The following IQGAP2 variants were observed in gnomAD, a reference collection of about 807,000 sequenced individuals.
IQGAP2 encodes ras GTPase-activating-like protein IQGAP2.
In IQGAP2, 173 loss-of-function variants were observed where a neutral mutation model predicts 201.3. That is an observed-to-expected ratio of 0.86 (90% CI 0.76 to 0.98). The LOEUF (loss-of-function observed/expected upper bound fraction) is 0.98, where lower values mean the gene tolerates loss of function less well. IQGAP2 is among the 50% of genes least tolerant of loss of function. The pLI is 0.00. For synonymous variants in IQGAP2, 675 were observed against 673.9 expected (o/e 1.00, Z -0.03); for missense variants, 1,687 against 1,864.8 (o/e 0.90, Z 1.76).
chr5:76,424,838 G>A (rs1308907667), intron 1 of IQGAP2, among the ~76,000 whole-genome samples: 2 of 152,154 alleles, frequency 1.3e-5, no homozygotes, highest in African/African-American at 2.4e-5. Context: ...CTGCCTGATG[G>A]CATTATTAGG....
intron 2 of IQGAP2, among the ~76,000 whole-genome samples, chr5:76,537,547 C>T (rs536107999): frequency 4.7e-5 from 7 of 149,848 alleles, no homozygotes; most frequent in Admixed American, 3.3e-4. Flanking sequence ...CTGTAGTTGT[C>T]GAGTACTGGT....
rs145279547 is a variant in IQGAP2 at position 76,583,190 on chromosome 5, G to A, written c.459-5716G>A. On this transcript the variant is annotated intron_variant, in intron 5 of 35. Coordinates refer to ENST00000274364, the MANE Select transcript of IQGAP2 (RefSeq NM_006633.5). ...ATTCGATGGGCTTTTTTGTTTTTTAGATTAAGACTTGATTTCCTATATACT... is the reference window on the plus strand; with the variant it reads ...ATTCGATGGGCTTTTTTGTTTTTTAAATTAAGACTTGATTTCCTATATACT... 8.5e-5 allele frequency among the ~76,000 whole-genome samples: 13 copies of A among 152,206 alleles called. No homozygotes were observed. In the East Asian group the frequency reaches 2.3e-3, roughly 27 times the overall value.
chr5:76,504,533 C>G (rs1012989550), intron 2 of IQGAP2, among the ~76,000 whole-genome samples: 3 of 152,158 alleles, frequency 2.0e-5, no homozygotes, highest in Non-Finnish European at 4.4e-5. Context: ...CCTGCCAACT[C>G]CCAAATGTGT....
intron 1 of IQGAP2, among the ~76,000 whole-genome samples, chr5:76,453,290 T>C (rs1380115736): frequency 1.3e-5 from 2 of 152,202 alleles, no homozygotes; most frequent in Non-Finnish European, 2.9e-5. Flanking sequence ...TAAGTGCATG[T>C]TAAGTATTAA....
At chr5:76,519,710 T>A (rs749948720) in intron 2 of IQGAP2, among the ~76,000 whole-genome samples, 10 of 152,244 alleles carry the variant, frequency 6.6e-5, no homozygotes, top group Non-Finnish European at 1.2e-4. Context: ...TTAAGCTTTT[T>A]GTTTTAGCCA....
At chr5:76,561,620 A>T (rs1399824716) in intron 2 of IQGAP2, among the ~76,000 whole-genome samples, 1 of 152,194 alleles carries the variant, frequency 6.6e-6, no homozygotes, top group Non-Finnish European at 1.5e-5. Context: ...GAGTATCCTC[A>T]TGACTCTGGC....
At chr5:76,627,175 C>A (rs962798519) in intron 13 of IQGAP2, among the ~76,000 whole-genome samples, 4 of 152,128 alleles carry the variant, frequency 2.6e-5, no homozygotes, top group African/African-American at 9.7e-5. Context: ...GCTGATGCAG[C>A]TGTCCAGTTG....
intron 11 of IQGAP2, among the ~76,000 whole-genome samples, chr5:76,604,871 C>T (rs1423035827): frequency 6.6e-6 from 1 of 152,176 alleles, no homozygotes; most frequent in Admixed American, 6.5e-5. Flanking sequence ...AAGCTACTCT[C>T]TATGGAAGAC....
chr5:76,646,030 G>A (rs141272638), intron 17 of IQGAP2, among the ~76,000 whole-genome samples: 68 of 152,284 alleles, frequency 4.5e-4, no homozygotes, highest in Non-Finnish European at 7.9e-4. Context: ...ATCTTGTTTA[G>A]CCTTTCAGTA....
At chr5:76,626,022 G>A (rs533807162) in intron 13 of IQGAP2, among the ~76,000 whole-genome samples, 2 of 152,276 alleles carry the variant, frequency 1.3e-5, no homozygotes, top group East Asian at 1.9e-4. Context: ...TTTGTAGCAG[G>A]ACCATCAGAA....
intron 2 of IQGAP2, among the ~76,000 whole-genome samples, chr5:76,522,083 G>A (rs954872538): frequency 6.6e-6 from 1 of 152,114 alleles, no homozygotes; most frequent in African/African-American, 2.4e-5. Flanking sequence ...CTCCACTAAG[G>A]AGCCCTGTCC....
intron 30 of IQGAP2, among the ~76,000 whole-genome samples, chr5:76,687,939 C>T (rs1052715333): frequency 9.2e-5 from 14 of 152,174 alleles, no homozygotes; most frequent in East Asian, 5.8e-4. Flanking sequence ...AACCATCCCC[C>T]ACCCTGTCCA....
chr5:76,557,513 C>T (rs894581018), intron 2 of IQGAP2, among the ~76,000 whole-genome samples: 4 of 152,142 alleles, frequency 2.6e-5, no homozygotes, highest in African/African-American at 9.7e-5. Flanking sequence ...TCCATTGATG[C>T]CTAATGTTAA....
rs148519959 is a variant in IQGAP2, at chr5:76,626,567, A to G, written c.1522-843A>G. ...ATTACAGGTGTAAGCCACCATGCCC[A>G]GCTATATGTCTTGACACATCTGTCT... On this transcript the variant is annotated intron_variant, in intron 13 of 35. Coordinates refer to ENST00000274364, the MANE Select transcript of IQGAP2 (RefSeq NM_006633.5). 3.0e-4 allele frequency among the ~76,000 whole-genome samples: 45 copies of G among 152,214 alleles called. No homozygotes were observed. In the East Asian group the frequency reaches 7.7e-3, roughly 26 times the overall value.
chr5:76,654,048 A>G (rs770130770), intron 18 of IQGAP2, 152 bp from the exon 19 acceptor site: 36 of 557,872 alleles, frequency 6.5e-5, no homozygotes, highest in Non-Finnish European at 1.0e-4. Flanking sequence ...TAGGCTTTAG[A>G]GATTGATTAT....
intron 2 of IQGAP2, among the ~76,000 whole-genome samples, chr5:76,546,195 G>A (rs912761749): frequency 1.8e-4 from 28 of 152,108 alleles, no homozygotes; most frequent in African/African-American, 6.5e-4. Context: ...CAGCACTTTG[G>A]GAGGCCGAGG....
intron 2 of IQGAP2, among the ~76,000 whole-genome samples, chr5:76,519,999 A>T (rs755570408): frequency 3.3e-5 from 5 of 151,576 alleles, no homozygotes; most frequent in Non-Finnish European, 7.4e-5. Flanking sequence ...TTTTACTCTT[A>T]TCAGAATCTT....
chr5:76,533,542 T>TC (rs1362201480), intron 2 of IQGAP2, among the ~76,000 whole-genome samples: 5 of 150,958 alleles, frequency 3.3e-5, no homozygotes, highest in African/African-American at 7.3e-5. Flanking sequence ...ATATATATAT[T>TC]TTTTTATTTT....
chr5:76,622,004 G>A (rs543380555), intron 13 of IQGAP2, among the ~76,000 whole-genome samples: 19 of 152,142 alleles, frequency 1.2e-4, no homozygotes, highest in Non-Finnish European at 2.4e-4. Flanking sequence ...TTTACCTCTA[G>A]AGACAGAAAC....
Sources: gnomAD v4.1 joint callset for allele counts (sites outside exome capture counted in the v4.1 genomes callset) on GRCh38, gnomAD v4.1.1 for gene constraint, MANE v1.5 for transcripts, NCBI Gene and HGNC (gene_info 2026-07-23, HGNC 2026-07-21) for gene names.